Variants in GPR174 observed in about 807,000 individuals in gnomAD.
GPR174 encodes G protein-coupled receptor 174.
In GPR174, 8 loss-of-function variants were observed where a neutral mutation model predicts 16.5. The ratio of observed to expected loss-of-function variants is 0.48; its 90% CI spans 0.28 to 0.87. The LOEUF is 0.87. GPR174 is among the 40% of genes least tolerant of loss of function. GPR174 has a pLI of 0.09. For synonymous variants in GPR174, 111 were observed against 94.8 expected, an observed-to-expected ratio of 1.17 and a Z score of -0.99; for missense variants, 214 against 247.5, an observed-to-expected ratio of 0.86 and a Z score of 0.91.
chrX:79,147,468 T>G (rs2147446310), intron 1 of GPR174, among the ~76,000 whole-genome samples: 1 of 104,934 alleles, frequency 9.5e-6, no homozygotes, highest in East Asian at 3.0e-4. Context: ...CACTGTTTCC[T>G]TCCAAGAATA....
chrX:79,145,260 G>A (rs1311495194), intron 1 of GPR174, 43 bp downstream of exon 1: 5 of 110,358 alleles, frequency 4.5e-5, no homozygotes, highest in Non-Finnish European at 5.7e-5. Flanking sequence ...TCGTCTGTGC[G>A]TTTTTCCCTT....
Position 79,171,511 on chromosome X carries a change from C to T in GPR174, c.504C>T (p.Cys168=). 8.3e-7 allele frequency: 1 copy of T among 1,211,419 alleles called. No homozygotes were observed. Among genetic ancestry groups the T allele is most frequent in the Non-Finnish European group, 1.1e-6 (1 of 895,441 alleles). ...ATACCTCTGGCAATAGGACCAAATG[C>T]TTTGTGGATCTTCCTACCAGGAATG... ...SDDTSGNRTK[C]FVDLPTRNVN... Residue 168 remains cysteine (C), a synonymous_variant, in exon 3 of 3, where the codon TGC becomes TGT. Transcript: ENST00000645147.
rs774476258 is a variant in GPR174 at position 79,172,260 on chromosome X, A to G, written c.*251A>G. 8.5e-6 allele frequency: 3 copies of G among 352,855 alleles called. No individual in the cohort carries two copies. The South Asian group carries it at 2.4e-4, about 28-fold the overall frequency. 29.1% of individuals were successfully genotyped at this position (352,855 alleles called of 1,213,427 possible). On this transcript the variant is annotated 3_prime_UTR_variant, in exon 3 of 3. Coordinates refer to ENST00000645147, the MANE Select transcript of GPR174 (RefSeq NM_032553.3). The stretch of plus-strand genomic sequence containing the variant: ...AATCTTAAAATATCAAATTTCTGTG[A>G]CATCCTATAAACATATGCACTCAAC...
intron 1 of GPR174, among the ~76,000 whole-genome samples, chrX:79,155,124 G>A (rs1305788760): frequency 8.9e-6 from 1 of 112,025 alleles, no homozygotes; most frequent in Non-Finnish European, 1.9e-5. Context: ...CTGTGACCCT[G>A]CTCAGTCACT....
At chrX:79,153,946 CA>C (rs1276234392) in intron 1 of GPR174, among the ~76,000 whole-genome samples, 4 of 111,815 alleles carry the variant, frequency 3.6e-5, no homozygotes, top group Non-Finnish European at 7.5e-5. Flanking sequence ...GAGATTAATA[CA>C]AAATTAGTGA....
chrX:79,166,186 A>G (rs1326812823), intron 2 of GPR174, among the ~76,000 whole-genome samples: 2 of 111,839 alleles, frequency 1.8e-5, no homozygotes, highest in Admixed American at 9.5e-5. Context: ...AACAGAAGAC[A>G]CTGATAGCCA....
intron 2 of GPR174, among the ~76,000 whole-genome samples, chrX:79,158,547 G>A (rs1306408109): frequency 4.8e-5 from 5 of 103,667 alleles, no homozygotes; most frequent in Non-Finnish European, 9.8e-5. Context: ...GGGTTCAAAC[G>A]ATTCTCCTGC....
chrX:79,162,620 A>G (rs1444121779), intron 2 of GPR174, among the ~76,000 whole-genome samples: 1 of 112,246 alleles, frequency 8.9e-6, no homozygotes, highest in African/African-American at 3.2e-5. Flanking sequence ...GGACAGATGT[A>G]GTATCTGTTT....
intron 2 of GPR174, among the ~76,000 whole-genome samples, chrX:79,163,487 G>T (rs1921283647): frequency 9.0e-6 from 1 of 111,380 alleles, no homozygotes; most frequent in Non-Finnish European, 1.9e-5. Context: ...GGAAAGATCG[G>T]GAAGAAGGGA....
chrX:79,163,885 G>T (rs1438463036), intron 2 of GPR174, among the ~76,000 whole-genome samples: 1 of 111,309 alleles, frequency 9.0e-6, no homozygotes, highest in African/African-American at 3.3e-5. Flanking sequence ...AGAGCAAAAT[G>T]TGTGGCTCTT....
intron 2 of GPR174, among the ~76,000 whole-genome samples, chrX:79,163,659 A>C (rs1921287368): frequency 8.9e-6 from 1 of 112,462 alleles, no homozygotes; most frequent in Admixed American, 9.4e-5. Context: ...TTTTTATCCT[A>C]TGAAATAAGG....
intron 2 of GPR174, among the ~76,000 whole-genome samples, chrX:79,164,062 C>T (rs900989357): frequency 9.0e-5 from 10 of 111,252 alleles, no homozygotes; most frequent in African/African-American, 2.0e-4. Flanking sequence ...ATTTGATGTT[C>T]GATATTTCAT....
chrX:79,164,117 A>T (rs1311279837), intron 2 of GPR174, among the ~76,000 whole-genome samples: 1 of 111,115 alleles, frequency 9.0e-6, no homozygotes, highest in Admixed American at 9.6e-5. Context: ...CTGAGCTCCA[A>T]ATGAATATGT....
chrX:79,162,704 A>C (rs1296988489), intron 2 of GPR174, among the ~76,000 whole-genome samples: 7 of 111,896 alleles, frequency 6.3e-5, no homozygotes, highest in Non-Finnish European at 7.5e-5. Context: ...GGAATGCATA[A>C]ATTAATAGGA....
rs77321299 is a variant in GPR174, at chrX:79,173,753, G to T, written c.*1744G>T. 4 of 112,259 alleles carry T rather than the reference G, an allele frequency of 3.6e-5. No homozygotes were observed. Among genetic ancestry groups the T allele is most frequent in the African/African-American group, 1.3e-4 (4 of 30,905 alleles). 9.3% of individuals were successfully genotyped at this position (112,259 alleles called of 1,213,427 possible). On this transcript the variant is annotated 3_prime_UTR_variant, in exon 3 of 3. Transcript: ENST00000645147. ...TTGTGCTGCTAGCAAGTGTATCTATGTGTCTCCTAACTAATCATTGTAAGG... is the reference window on the plus strand; with the variant it reads ...TTGTGCTGCTAGCAAGTGTATCTATTTGTCTCCTAACTAATCATTGTAAGG...
chrX:79,163,597 A>T (rs2147455722), intron 2 of GPR174, among the ~76,000 whole-genome samples: 1 of 112,442 alleles, frequency 8.9e-6, no homozygotes, highest in South Asian at 3.7e-4. Context: ...ACAAAAGCAG[A>T]CATTGACCTG....
rs192256702 is a variant in GPR174, at chrX:79,167,651, A to T, written c.-556-2801A>T. ...CAATATGACTGGTGATGTGAGACTG[A>T]GTGACAACCTTCCTGCTGTCTCCAA... On this transcript the variant is annotated intron_variant, in intron 2 of 2. Coordinates refer to ENST00000645147, the MANE Select transcript of GPR174 (RefSeq NM_032553.3). Among the ~76,000 whole-genome samples the T allele has an allele frequency of 3.6e-4, 40 of 111,857 alleles. No individual in the cohort carries two copies. In the East Asian group the frequency reaches 5.6e-3, roughly 16 times the overall value.
At chrX:79,154,494 C>T (rs758270572) in intron 1 of GPR174, among the ~76,000 whole-genome samples, 41 of 111,619 alleles carry the variant, frequency 3.7e-4, no homozygotes, top group African/African-American at 1.1e-3. Context: ...CTGCTTAGGA[C>T]TATGGGTCTT....
At chrX:79,168,759 C>G (rs147988825) in intron 2 of GPR174, among the ~76,000 whole-genome samples, 13 of 110,766 alleles carry the variant, frequency 1.2e-4, no homozygotes, top group Middle Eastern at 4.6e-3. Context: ...ATTTGATAAT[C>G]TAGTATTTTT....
Sources: gnomAD v4.1 joint callset for allele counts (sites outside exome capture counted in the v4.1 genomes callset) on GRCh38, gnomAD v4.1.1 for gene constraint, MANE v1.5 for transcripts, NCBI Gene and HGNC (gene_info 2026-07-23, HGNC 2026-07-21) for gene names.